PRKN: variants seen among roughly 807,000 people sequenced by gnomAD.
The protein encoded by PRKN is E3 ubiquitin-protein ligase parkin.
In PRKN, 56 loss-of-function variants were observed where a neutral mutation model predicts 59.5. The ratio of observed to expected loss-of-function variants is 0.94; its 90% CI spans 0.76 to 1.18. The LOEUF (loss-of-function observed/expected upper bound fraction) is 1.18. Among genes scored for constraint, PRKN ranks in the 50% most tolerant of loss-of-function variants. The pLI is 0.00. For missense variants in PRKN, 657 were observed against 596.4 expected (o/e 1.10, Z -1.06); for synonymous variants, 250 against 222.1 (o/e 1.13, Z -1.12).
chr6:162,141,121 C>T (rs1408039255), intron 4 of PRKN, among the ~76,000 whole-genome samples: 1 of 151,580 alleles, frequency 6.6e-6, no homozygotes, highest in Non-Finnish European at 1.5e-5. Flanking sequence ...CAGAGTGAGA[C>T]CCTGTCACCA....
chr6:162,174,094 T>C (rs1783420464), intron 4 of PRKN, among the ~76,000 whole-genome samples: 1 of 152,230 alleles, frequency 6.6e-6, no homozygotes, highest in African/African-American at 2.4e-5. Context: ...GAGCAATCAT[T>C]GGACAAATAA....
rs529492291 is a variant in PRKN, at chr6:162,005,947, G to GTA, written c.619-32532_619-32531dup. Among the ~76,000 whole-genome samples, 1,027 of 150,136 alleles carry GTA rather than the reference G, an allele frequency of 6.8e-3. 11 individuals are homozygous for GTA. The highest frequency in any genetic ancestry group is 5.4e-3 in the African/African-American group (223 of 41,010). ...TGTGAATTTAATATAAAAGGATAGT[G>GTA]TATATATATATATATCTACTCACAT... On this transcript the variant is annotated intron_variant, in intron 5 of 11. Transcript: ENST00000366898.
rs374365272 is a variant in PRKN, at chr6:161,699,141, G to A, written c.871+86631C>T. On this transcript the variant is annotated intron_variant, in intron 7 of 11. Transcript: ENST00000366898. ...AGCACATGAAAAGAGGCTCAACATC[G>A]TTAGTCATTAAGAGAATGCAAATTA... 1.7e-3 allele frequency among the ~76,000 whole-genome samples: 263 copies of A among 152,172 alleles called. 1 individual carries two copies. Among genetic ancestry groups the A allele is most frequent in the African/African-American group, 6.2e-3 (257 of 41,556 alleles).
rs185189180 is a variant in PRKN, at chr6:162,214,819, T to C, written c.413-13567A>G. ...CATTCATTAAAAGATTAAATAAAAA[T>C]TTTTACATGTGTTCACTTTATATTT... On this transcript the variant is annotated intron_variant, in intron 3 of 11. Coordinates refer to ENST00000366898, the MANE Select transcript of PRKN (RefSeq NM_004562.3). 3.9e-5 allele frequency among the ~76,000 whole-genome samples: 6 copies of C among 152,312 alleles called. No individual in the cohort carries two copies. The East Asian group carries it at 1.2e-3, about 29-fold the overall frequency.
intron 1 of PRKN, among the ~76,000 whole-genome samples, chr6:162,466,258 G>A (rs7755727): frequency 0.016 from 2,411 of 152,236 alleles, 69 homozygotes; most frequent in African/African-American, 0.056. Context: ...CTTACAACCT[G>A]TGTTATGGAG....
Position 161,973,309 on chromosome 6 carries a change from C to T in PRKN, c.727G>A (p.Asp243Asn), listed in dbSNP as rs146173584. The T allele has an allele frequency of 1.8e-4, 283 of 1,606,124 alleles. 4 individuals are homozygous for T. In the Middle Eastern group the frequency reaches 2.8e-3, roughly 16 times the overall value. Residue 243 changes from aspartate (D) to asparagine (N), a missense_variant, in exon 6 of 12, where the codon GAC (aspartate) becomes AAC (asparagine). Coordinates refer to ENST00000366898, the MANE Select transcript of PRKN (RefSeq NM_004562.3). ...CTATTTTTAGATCCTTACCTGACGT[C>T]TGTGCACGTAATGCAAGTGATGTTC... ...SRNITCITCT[D>N]VRSPVLVFQC...
At chr6:162,562,311 C>T (rs563098964) in intron 1 of PRKN, among the ~76,000 whole-genome samples, 17 of 152,270 alleles carry the variant, frequency 1.1e-4, no homozygotes, top group Admixed American at 9.2e-4. Flanking sequence ...GGTACCACGT[C>T]GAGGGCCTTG....
At chr6:162,584,254 A>C (rs890144185) in intron 1 of PRKN, among the ~76,000 whole-genome samples, 5 of 151,220 alleles carry the variant, frequency 3.3e-5, no homozygotes, top group African/African-American at 1.2e-4. Flanking sequence ...AACAAAAAAA[A>C]AAAAAACACT....
At chr6:162,483,528 C>T (rs777118089) in intron 1 of PRKN, among the ~76,000 whole-genome samples, 7 of 143,968 alleles carry the variant, frequency 4.9e-5, no homozygotes, top group Non-Finnish European at 1.1e-4. Flanking sequence ...GCAGTGGGGG[C>T]GGGGAAGGAA....
At chr6:161,921,018 T>C (rs903474109) in intron 6 of PRKN, among the ~76,000 whole-genome samples, 1 of 152,210 alleles carries the variant, frequency 6.6e-6, no homozygotes, top group African/African-American at 2.4e-5. Context: ...TCTGACTTTA[T>C]ACACTTCTTA....
intron 6 of PRKN, among the ~76,000 whole-genome samples, chr6:161,868,128 T>C (rs967294131): frequency 6.6e-6 from 1 of 152,146 alleles, no homozygotes; most frequent in African/African-American, 2.4e-5. Flanking sequence ...ATAATGTTTC[T>C]AAGATCATTT....
At chr6:162,106,836 A>G (rs149574371) in intron 4 of PRKN, among the ~76,000 whole-genome samples, 2 of 152,230 alleles carry the variant, frequency 1.3e-5, no homozygotes, top group African/African-American at 4.8e-5. Context: ...TGTTGTATGC[A>G]CTCCAGTCTT....
Position 161,377,638 on chromosome 6 carries a change from A to G in PRKN, c.1167+9156T>C, listed in dbSNP as rs1785778988. ...TCCCCAGATTCCTATGTCGAAACCT[A>G]ATCACCAAGGCGGTGGGATTAGGAG... On this transcript the variant is annotated intron_variant, in intron 10 of 11. Transcript: ENST00000366898. This position sits in a 1 kb window ranked among gnomAD's most constrained non-coding sequence, Gnocchi z 4.2. Among the ~76,000 whole-genome samples, 1 of 152,146 alleles carries G rather than the reference A, an allele frequency of 6.6e-6. No homozygotes were observed. The highest frequency in any genetic ancestry group is 1.5e-5 in the Non-Finnish European group (1 of 68,020).
chr6:162,255,207 A>G (rs1395166504), intron 3 of PRKN, among the ~76,000 whole-genome samples: 3 of 152,122 alleles, frequency 2.0e-5, no homozygotes, highest in Admixed American at 2.0e-4. Context: ...TCTGGGGGCA[A>G]TTCAGGCAGG....
In PRKN at chr6:161,785,850, G is replaced by A. The variant is rs148453342; in HGVS notation, c.793C>T (p.His265Tyr). The change falls in exon 7 of 12, where the codon CAC (histidine) becomes TAC (tyrosine). Residue 265 changes from histidine to tyrosine, a missense_variant. Physicochemically the swap from His to Tyr is moderately conservative, Grantham distance 83. Transcript: ENST00000366898. ...TTGAGTCTTGTCACACAGTATAAGT[G>A]GAAACAGTCTAAGCAAATCACGTGG... Reference protein sequence around the residue: ...SRHVICLDCFHLYCVTRLNDR... With the variant: ...SRHVICLDCFYLYCVTRLNDR... 10 of 1,614,008 alleles carry A rather than the reference G, an allele frequency of 6.2e-6. No homozygotes were observed. The African/African-American group carries it at 1.2e-4, about 19-fold the overall frequency.
At chr6:162,586,375 GCTAT>G (rs1380055559) in intron 1 of PRKN, among the ~76,000 whole-genome samples, 2 of 152,308 alleles carry the variant, frequency 1.3e-5, no homozygotes, top group Admixed American at 1.3e-4. Context: ...CTCTGCTAAT[GCTAT>G]CTGTGAGAAA....
chr6:162,438,272 A>G (rs1027083682), intron 2 of PRKN, among the ~76,000 whole-genome samples: 7 of 152,176 alleles, frequency 4.6e-5, no homozygotes, highest in Admixed American at 1.3e-4. Flanking sequence ...ATGTAGAACT[A>G]CATTAGACAA....
chr6:161,443,228 T>G lies in PRKN; in HGVS notation c.1084-56351A>C, dbSNP rs563635234. Among the ~76,000 whole-genome samples the G allele has an allele frequency of 6.8e-3, 1,035 of 151,108 alleles. 15 individuals are homozygous for G. Among genetic ancestry groups the G allele is most frequent in the Admixed American group, 9.4e-3 (142 of 15,122 alleles). ...GGGAGGCTGAGGCAGGAGAATTGCTTGAACCTGGGAGGCAGAGGTTGCAGT... is the reference window on the plus strand; with the variant it reads ...GGGAGGCTGAGGCAGGAGAATTGCTGGAACCTGGGAGGCAGAGGTTGCAGT... On this transcript the variant is annotated intron_variant, in intron 9 of 11. Transcript: ENST00000366898.
At chr6:162,604,835 C>G (rs1345134235) in intron 1 of PRKN, among the ~76,000 whole-genome samples, 1 of 152,000 alleles carries the variant, frequency 6.6e-6, no homozygotes, top group African/African-American at 2.4e-5. Flanking sequence ...TATTTATCAG[C>G]CTCCAGCAAA....
Sources: gnomAD v4.1 joint callset for allele counts (sites outside exome capture counted in the v4.1 genomes callset) on GRCh38, gnomAD v4.1.1 for gene constraint, Gnocchi (gnomAD v3.1) non-coding constraint, MANE v1.5 for transcripts, NCBI Gene and HGNC (gene_info 2026-07-23, HGNC 2026-07-21) for gene names.